NREP: variants seen among roughly 807,000 people sequenced by gnomAD.
NREP encodes neuronal regeneration related protein.
In NREP, 5 loss-of-function variants were observed where a neutral mutation model predicts 8.6. The ratio of observed to expected loss-of-function variants is 0.58; its 90% CI spans 0.30 to 1.22. The LOEUF is 1.22. NREP is among the 50% of genes most tolerant of loss of function. The pLI is 0.07. For missense variants in NREP, 86 were observed against 82.5 expected (o/e 1.04, Z -0.17); for synonymous variants, 27 against 28.0 (o/e 0.96, Z 0.11).
intron 2 of NREP, among the ~76,000 whole-genome samples, chr5:111,963,931 A>G (rs1027141103): frequency 1.3e-5 from 2 of 152,244 alleles, no homozygotes; most frequent in African/African-American, 2.4e-5. Flanking sequence ...TATTGAAGTA[A>G]TACCAATGTG....
At chr5:111,844,655 A>G (rs892071735) in intron 2 of NREP, among the ~76,000 whole-genome samples, 1 of 145,422 alleles carries the variant, frequency 6.9e-6, no homozygotes, top group African/African-American at 2.5e-5. Flanking sequence ...ACTAATATAT[A>G]TATTATATAT....
Position 111,963,303 on chromosome 5 carries a change from A to G in NREP, c.135+11971T>C, listed in dbSNP as rs192553585. Among the ~76,000 whole-genome samples the G allele has an allele frequency of 3.3e-5, 5 of 152,356 alleles. No individual in the cohort carries two copies. The East Asian group carries it at 9.6e-4, about 29-fold the overall frequency. ...AGGTTGAGCGTGGTGGGCCAAGTAA[A>G]TGGGGCACCCCCATTGCAAGTCCAA... On this transcript the variant is annotated intron_variant, in intron 2 of 3. Transcript: ENST00000395634.
chr5:111,848,333 A>G (rs924117114), intron 2 of NREP, among the ~76,000 whole-genome samples: 1 of 152,214 alleles, frequency 6.6e-6, no homozygotes, highest in Non-Finnish European at 1.5e-5. Flanking sequence ...AAAGAAAAAC[A>G]CAGACTAATG....
chr5:111,734,888 T>C, intron 3 of NREP: 1 of 431,264 alleles, frequency 2.3e-6, no homozygotes, highest in Middle Eastern at 3.7e-4. Flanking sequence ...TATGCTAAAA[T>C]CTAAAATATA....
At chr5:111,946,973 C>T (rs1346508163) in intron 2 of NREP, among the ~76,000 whole-genome samples, 1 of 152,034 alleles carries the variant, frequency 6.6e-6, no homozygotes. Flanking sequence ...AGTCTCCTCA[C>T]AACTATTCCA....
intron 2 of NREP, among the ~76,000 whole-genome samples, chr5:111,797,096 G>T (rs1485874234): frequency 6.6e-6 from 1 of 152,038 alleles, no homozygotes; most frequent in African/African-American, 2.4e-5. Context: ...TAGATAGATA[G>T]ATAGATAGAT....
intron 2 of NREP, among the ~76,000 whole-genome samples, chr5:111,857,697 G>A (rs540745043): frequency 1.3e-5 from 2 of 152,190 alleles, no homozygotes; most frequent in East Asian, 3.9e-4. Context: ...ACAAGTAGAT[G>A]GCTTTTTGTT....
chr5:111,933,856 G>T (rs1045695862), intron 2 of NREP, among the ~76,000 whole-genome samples: 1 of 152,126 alleles, frequency 6.6e-6, no homozygotes, highest in Non-Finnish European at 1.5e-5. Context: ...GGAGGACTTA[G>T]ATAGTCGCAG....
chr5:111,923,838 G>C (rs964505584), intron 2 of NREP, among the ~76,000 whole-genome samples: 1 of 152,190 alleles, frequency 6.6e-6, no homozygotes, highest in African/African-American at 2.4e-5. Flanking sequence ...CCCAAGCAAA[G>C]CTTGTTTTAA....
chr5:111,894,377 A>G (rs1361920738), intron 2 of NREP, among the ~76,000 whole-genome samples: 1 of 152,096 alleles, frequency 6.6e-6, no homozygotes, highest in Non-Finnish European at 1.5e-5. Context: ...GCCTCTTTTA[A>G]GGACATTTCT....
At chr5:111,777,985 A>G (rs1241281786) in intron 2 of NREP, among the ~76,000 whole-genome samples, 1 of 152,150 alleles carries the variant, frequency 6.6e-6, no homozygotes, top group Non-Finnish European at 1.5e-5. Context: ...TTGAAATGTT[A>G]AACAGCAAAA....
At chr5:111,864,565 G>C (rs976809731) in intron 2 of NREP, among the ~76,000 whole-genome samples, 1 of 152,000 alleles carries the variant, frequency 6.6e-6, no homozygotes, top group African/African-American at 2.4e-5. Context: ...AAACTGGAGC[G>C]GGGTGAAGTA....
intron 2 of NREP, among the ~76,000 whole-genome samples, chr5:111,967,899 A>C (rs566170178): frequency 2.0e-5 from 3 of 152,208 alleles, no homozygotes; most frequent in African/African-American, 4.8e-5. Flanking sequence ...GAAAAGTAAA[A>C]AAGTTTTTAA....
At chr5:111,911,712 G>A (rs1754916641) in intron 2 of NREP, among the ~76,000 whole-genome samples, 1 of 151,962 alleles carries the variant, frequency 6.6e-6, no homozygotes, top group South Asian at 2.1e-4. Flanking sequence ...TGGTGAGAGG[G>A]TCTATTTTTT....
At chr5:111,976,826 C>T (rs768065873) in exon 1 of NREP, 1 of 1,010,480 alleles carries the variant, frequency 9.9e-7, no homozygotes, top group South Asian at 1.4e-5. Context: ...CAGCTCAGGA[C>T]ACAGCTCTGC....
chr5:111,809,396 T>G (rs1434128188), intron 2 of NREP, among the ~76,000 whole-genome samples: 1 of 152,200 alleles, frequency 6.6e-6, no homozygotes, highest in African/African-American at 2.4e-5. Flanking sequence ...CCAAAATTCA[T>G]GTTGAAATTT....
At chr5:111,770,250 G>C (rs77305946) in intron 2 of NREP, among the ~76,000 whole-genome samples, 3 of 152,104 alleles carry the variant, frequency 2.0e-5, no homozygotes, top group African/African-American at 4.8e-5. Flanking sequence ...CTTTCAAAAA[G>C]TGAGTTTATA....
intron 2 of NREP, among the ~76,000 whole-genome samples, chr5:111,923,248 A>C (rs1259795402): frequency 6.6e-6 from 1 of 152,160 alleles, no homozygotes; most frequent in Non-Finnish European, 1.5e-5. Flanking sequence ...AAAGAGACAT[A>C]CTTTTAAAGA....
chr5:111,910,561 T>C (rs1445410931), intron 2 of NREP, among the ~76,000 whole-genome samples: 3 of 152,002 alleles, frequency 2.0e-5, no homozygotes, highest in Non-Finnish European at 4.4e-5. Context: ...TGTATGTAAA[T>C]ATAAGATTCA....
Sources: gnomAD v4.1 joint callset for allele counts (sites outside exome capture counted in the v4.1 genomes callset) on GRCh38, gnomAD v4.1.1 for gene constraint, MANE v1.5 for transcripts, NCBI Gene and HGNC (gene_info 2026-07-23, HGNC 2026-07-21) for gene names.